SLC66A3: variants seen among roughly 807,000 people sequenced by gnomAD.
SLC66A3 encodes PQ loop repeat containing 3.
A neutral mutation model predicts 25.5 loss-of-function variants in SLC66A3; 23 were observed. That is an observed-to-expected ratio of 0.90 (90% CI 0.65 to 1.28). The LOEUF (loss-of-function observed/expected upper bound fraction) is 1.28. SLC66A3 is among the 50% of genes most tolerant of loss of function. SLC66A3 has a pLI of 0.00. For missense variants in SLC66A3, 246 were observed against 262.1 expected (o/e 0.94, Z 0.42); for synonymous variants, 108 against 112.6 (o/e 0.96, Z 0.26).
rs1661865984 is a variant in SLC66A3, at chr2:11,155,666, G to C, written c.120G>C (p.Pro40=). Residue 40 remains proline, a synonymous_variant, in exon 1 of 7, where the codon CCG becomes CCC. Coordinates refer to ENST00000295083, the MANE Select transcript of SLC66A3 (RefSeq NM_152391.5). ...AARSARGLSL[P]SLLLELAGFL... ...GCAGCGCGCGGGGCCTCAGCCTTCC[G>C]AGTTTACTTCTGGAGCTGGCAGGGT... is the stretch of plus-strand genomic sequence containing the variant. 2 of 1,467,142 alleles carry C rather than the reference G, an allele frequency of 1.4e-6. No individual in the cohort carries two copies. The highest frequency in any genetic ancestry group is 2.7e-5 in the South Asian group (2 of 74,770). 90.9% of individuals were successfully genotyped at this position (1,467,142 alleles called of 1,614,324 possible). A position where few individuals can be genotyped will look rare whatever the true frequency, so the allele number is the denominator to read the frequency against.
intron 4 of SLC66A3, among the ~76,000 whole-genome samples, chr2:11,165,785 T>C (rs556113523): frequency 1.1e-3 from 160 of 152,336 alleles, no homozygotes; most frequent in African/African-American, 3.7e-3. Flanking sequence ...AGGCCGAGGC[T>C]GGCAGATCAC....
chr2:11,170,433 C>G (rs1009554696), intron 4 of SLC66A3, among the ~76,000 whole-genome samples: 22 of 152,158 alleles, frequency 1.4e-4, no homozygotes, highest in African/African-American at 5.3e-4. Flanking sequence ...GTGAGGATCT[C>G]TTACCTCACT....
intron 1 of SLC66A3, among the ~76,000 whole-genome samples, chr2:11,159,632 T>A (rs903731227): frequency 2.6e-5 from 4 of 152,182 alleles, no homozygotes; most frequent in African/African-American, 9.7e-5. Context: ...GGGCCCCTCC[T>A]GTGTGTTGAA....
intron 5 of SLC66A3, chr2:11,172,760 C>G (rs531038929): frequency 3.8e-5 from 17 of 441,624 alleles, no homozygotes; most frequent in African/African-American, 2.0e-4. Context: ...GGGTCTCGCT[C>G]TCTCTCACAG....
rs184242991 is a variant in SLC66A3 at position 11,160,578 on chromosome 2, G to A, written c.226+30G>A. The A allele has an allele frequency of 5.0e-6, 8 of 1,614,138 alleles. No homozygotes were observed. In the East Asian group the frequency reaches 1.8e-4, roughly 36 times the overall value. ...CAGCCCCTTCCCTGTCCAGCGGACT[G>A]CCACGGGTCTCCCCTTCCCCCCTCA... On this transcript the variant is annotated intron_variant, in intron 2 of 6. Coordinates refer to ENST00000295083, the MANE Select transcript of SLC66A3 (RefSeq NM_152391.5).
intron 4 of SLC66A3, among the ~76,000 whole-genome samples, chr2:11,169,837 CTTTTTTT>C (rs1186098636): frequency 1.1e-5 from 1 of 89,046 alleles, no homozygotes; most frequent in African/African-American, 5.0e-5. Context: ...GGATTTCTCT[CTTTTTTT>C]TTTTTTTTTT....
At position 11,171,914 on chromosome 2, in the gene SLC66A3, T is replaced by C. The variant is rs769459862; in HGVS notation, c.355-11T>C. On this transcript the variant is annotated splice_polypyrimidine_tract_variant and intron_variant, in intron 4 of 6. Coordinates refer to ENST00000295083, the MANE Select transcript of SLC66A3 (RefSeq NM_152391.5). ...CGACTCGTGACTTTCTCACATTTTA[T>C]CTGCAAACAGAATCTATGTACTTTC... 2 of 1,613,530 alleles carry C rather than the reference T, an allele frequency of 1.2e-6. No homozygotes were observed. Among genetic ancestry groups the C allele is most frequent in the Non-Finnish European group, 1.7e-6 (2 of 1,179,792 alleles).
chr2:11,175,414 T>C (rs928560995), intron 6 of SLC66A3, among the ~76,000 whole-genome samples: 1 of 151,986 alleles, frequency 6.6e-6, no homozygotes, highest in East Asian at 1.9e-4. Context: ...TAAGGATGAG[T>C]AGAGGTTTAG....
intron 4 of SLC66A3, among the ~76,000 whole-genome samples, chr2:11,170,803 C>G (rs568703916): frequency 8.6e-5 from 13 of 151,578 alleles, no homozygotes; most frequent in African/African-American, 3.2e-4. Flanking sequence ...GTTGGCCAGG[C>G]TGGTCTCAAA....
At position 11,158,116 on chromosome 2, in the gene SLC66A3, T is replaced by G. The variant is rs184786700; in HGVS notation, c.144-2350T>G. ...TCTAGTAGGTGTTGAGGGAGAAAAC[T>G]CCAATGGCTGCATGGAGCAGATGGG... On this transcript the variant is annotated intron_variant, in intron 1 of 6. Coordinates refer to ENST00000295083, the MANE Select transcript of SLC66A3 (RefSeq NM_152391.5). Among the ~76,000 whole-genome samples the G allele has an allele frequency of 1.9e-3, 283 of 152,292 alleles. 2 individuals carry two copies. The highest frequency in any genetic ancestry group is 6.5e-3 in the African/African-American group (270 of 41,564).
Position 11,175,015 on chromosome 2 carries a change from C to T in SLC66A3, c.517+6C>T. 1 of 1,598,616 alleles carries T rather than the reference C, an allele frequency of 6.3e-7. No homozygotes were observed. The highest frequency in any genetic ancestry group is 8.5e-7 in the Non-Finnish European group (1 of 1,170,588). Reference sequence around the variant, plus strand: ...GACCACCAATGATTTTACAAGTAAGCAAAATATCTTCTCACTTCCTTTTTG... The same window carrying T: ...GACCACCAATGATTTTACAAGTAAGTAAAATATCTTCTCACTTCCTTTTTG... On this transcript the variant is annotated splice_donor_region_variant and intron_variant, in intron 6 of 6. Coordinates refer to ENST00000295083, the MANE Select transcript of SLC66A3 (RefSeq NM_152391.5).
At position 11,160,607 on chromosome 2, in the gene SLC66A3, G is replaced by A. The variant is rs754639382; in HGVS notation, c.227-18G>A. 5.6e-6 allele frequency: 9 copies of A among 1,613,932 alleles called. No homozygotes were observed. The highest frequency in any genetic ancestry group is 3.3e-5 in the Admixed American group (2 of 59,988). ...CGGGTCTCCCCTTCCCCCCTCACTC[G>A]GAGCCTCTCTCTTTCAGATGTCATC... On this transcript the variant is annotated intron_variant, in intron 2 of 6. Coordinates refer to ENST00000295083, the MANE Select transcript of SLC66A3 (RefSeq NM_152391.5).
Position 11,175,026 on chromosome 2 carries a change from C to A in SLC66A3, c.517+17C>A, listed in dbSNP as rs1157888437. ...ATTTTACAAGTAAGCAAAATATCTT[C>A]TCACTTCCTTTTTGAGTTTTGTGCT... On this transcript the variant is annotated intron_variant, in intron 6 of 6. Transcript: ENST00000295083. 6.3e-7 allele frequency: 1 copy of A among 1,584,648 alleles called. No homozygotes were observed. Among genetic ancestry groups the A allele is most frequent in the Non-Finnish European group, 8.6e-7 (1 of 1,160,340 alleles).
chr2:11,177,276 A>C (rs138914097), intron 6 of SLC66A3, among the ~76,000 whole-genome samples: 6,434 of 152,200 alleles, frequency 0.042, 275 homozygotes, highest in Non-Finnish European at 0.06. Flanking sequence ...CCTGGGCAAC[A>C]TGGTGAAACC....
rs1662844935 is a variant in SLC66A3, at chr2:11,178,399, TTGAGTTTGTACCAA to T, written c.*572_*585del. 1 of 152,750 alleles carries T rather than the reference TTGAGTTTGTACCAA, an allele frequency of 6.5e-6. No homozygotes were observed. The highest frequency in any genetic ancestry group is 2.4e-5 in the African/African-American group (1 of 41,452). 9.5% of individuals were successfully genotyped at this position (152,750 alleles called of 1,614,324 possible). On this transcript the variant is annotated 3_prime_UTR_variant, in exon 7 of 7. Transcript: ENST00000295083. ...CAAGGCAAGCATACATGTAGCTGGCTTGAGTTTGTACCAAAACAGTCCTTCAACTTTGCACTGTG... is the reference window on the plus strand; with the variant it reads ...CAAGGCAAGCATACATGTAGCTGGCTAACAGTCCTTCAACTTTGCACTGTG...
intron 3 of SLC66A3, among the ~76,000 whole-genome samples, chr2:11,161,304 G>A (rs1326365959): frequency 6.6e-6 from 1 of 150,718 alleles, no homozygotes; most frequent in Non-Finnish European, 1.5e-5. Flanking sequence ...ATTTTGAGAC[G>A]GTCTCGCTCT....
chr2:11,159,009 T>C (rs1662016484), intron 1 of SLC66A3, among the ~76,000 whole-genome samples: 1 of 152,040 alleles, frequency 6.6e-6, no homozygotes, highest in Non-Finnish European at 1.5e-5. Context: ...GTTCTTGGTG[T>C]CTATGGGCCT....
chr2:11,174,966 A>G lies in SLC66A3; in HGVS notation c.476-2A>G, dbSNP rs147916722. The G allele has an allele frequency of 6.0e-5, 97 of 1,607,460 alleles. No individual in the cohort carries two copies. In the African/African-American group the frequency reaches 1.2e-3, roughly 19 times the overall value. On this transcript the variant is annotated splice_acceptor_variant, in intron 5 of 6. Coordinates refer to ENST00000295083, the MANE Select transcript of SLC66A3 (RefSeq NM_152391.5). LOFTEE classifies it high-confidence loss of function. ...CTTATTGCTGCAAGTTTTCTTTTACAGCAAGAATAATCACAACCTTAATGA... is the reference window on the plus strand; with the variant it reads ...CTTATTGCTGCAAGTTTTCTTTTACGGCAAGAATAATCACAACCTTAATGA...
In SLC66A3 at chr2:11,160,466, A is replaced by G. The variant is rs1662076831; in HGVS notation, c.144A>G (p.Gly48=). The G allele has an allele frequency of 8.1e-6, 13 of 1,613,870 alleles. No homozygotes were observed. In the East Asian group the frequency reaches 2.7e-4, roughly 33 times the overall value. The part of the protein sequence containing the change: ...SLPSLLLELA[G]FLVFLRYQCY... The stretch of plus-strand genomic sequence containing the variant: ...TGGACATGTGCCCTTCTCTCTCCAG[A>G]TTCCTGGTGTTTCTGCGGTACCAGT... The change falls in exon 2 of 7, where the codon GGA becomes GGG. Residue 48 remains glycine (G), a splice_region_variant and synonymous_variant. Coordinates refer to ENST00000295083, the MANE Select transcript of SLC66A3 (RefSeq NM_152391.5).
Sources: allele counts gnomAD v4.1 joint callset (sites outside exome capture counted in the v4.1 genomes callset), GRCh38; gene constraint gnomAD v4.1.1; transcripts MANE v1.5; gene names NCBI Gene and HGNC (gene_info 2026-07-23, HGNC 2026-07-21).